The following SDK1 variants were observed in gnomAD, a reference collection of about 807,000 sequenced individuals.
SDK1 encodes the protein sidekick cell adhesion molecule 1.
In SDK1, 157 loss-of-function variants were observed where a neutral mutation model predicts 245.5. That is an observed-to-expected ratio of 0.64 (90% CI 0.56 to 0.73). SDK1 has a LOEUF of 0.73. Ranked by LOEUF, SDK1 falls within the 30% of genes least tolerant of loss-of-function variation. The probability of loss-of-function intolerance (pLI) is 0.00; values close to 1 mark genes in which losing one functional copy is unlikely to be tolerated. For missense variants in SDK1, 3,583 were observed against 3,002.3 expected (o/e 1.19, Z -4.52); for synonymous variants, 1,647 against 1,278.5 (o/e 1.29, Z -6.15).
intron 4 of SDK1, among the ~76,000 whole-genome samples, chr7:3,672,132 A>T (rs949706592): frequency 6.6e-6 from 1 of 152,002 alleles, no homozygotes; most frequent in Non-Finnish European, 1.5e-5. Flanking sequence ...GTGGCGGGTC[A>T]TGGTGTGGTG....
chr7:3,583,255 T>TA (rs1780571314), intron 1 of SDK1, among the ~76,000 whole-genome samples: 1 of 152,226 alleles, frequency 6.6e-6, no homozygotes, highest in African/African-American at 2.4e-5. Context: ...TGCTCTAAAA[T>TA]AACATTCTCC....
At chr7:4,023,853 C>T (rs1778693116) in intron 17 of SDK1, among the ~76,000 whole-genome samples, 2 of 152,314 alleles carry the variant, frequency 1.3e-5, no homozygotes, top group South Asian at 4.1e-4. Context: ...TCAGGTGAAC[C>T]TGAGTGTGGA....
intron 1 of SDK1, among the ~76,000 whole-genome samples, chr7:3,376,723 A>T (rs1781365121): frequency 6.6e-6 from 1 of 152,174 alleles, no homozygotes; most frequent in South Asian, 2.1e-4. Context: ...ATACCAAATG[A>T]GTGCACATTG....
chr7:3,433,096 G>A (rs757584771), intron 1 of SDK1, among the ~76,000 whole-genome samples: 1 of 152,318 alleles, frequency 6.6e-6, no homozygotes. Context: ...TATCCCCAGA[G>A]ATTCCAGTCA....
chr7:4,255,345 G>A (rs1004628106), intron 44 of SDK1, among the ~76,000 whole-genome samples: 12 of 152,174 alleles, frequency 7.9e-5, no homozygotes, highest in African/African-American at 1.9e-4. Flanking sequence ...TCCACTCTGC[G>A]CAGGACCTCT....
At chr7:3,909,613 G>A (rs1562529335) in intron 5 of SDK1, among the ~76,000 whole-genome samples, 2 of 152,038 alleles carry the variant, frequency 1.3e-5, no homozygotes, top group South Asian at 2.1e-4. Flanking sequence ...CTCATCACAT[G>A]TGTGTCCGTG....
chr7:3,859,762 C>G (rs1025777765), intron 5 of SDK1, among the ~76,000 whole-genome samples: 3 of 152,208 alleles, frequency 2.0e-5, no homozygotes, highest in African/African-American at 7.2e-5. Flanking sequence ...ACACTGCCCA[C>G]CACACCTGTG....
intron 22 of SDK1, among the ~76,000 whole-genome samples, chr7:4,109,460 G>C (rs900189159): frequency 6.6e-6 from 1 of 152,108 alleles, no homozygotes; most frequent in African/African-American, 2.4e-5. Context: ...TTCCTATCCT[G>C]TCATTTAAGC....
In SDK1 at chr7:3,525,085, A is replaced by G. The variant is rs1033244839; in HGVS notation, c.299-93995A>G. 5.3e-5 allele frequency among the ~76,000 whole-genome samples: 8 copies of G among 152,320 alleles called. No homozygotes were observed. The East Asian group carries it at 7.7e-4, about 15-fold the overall frequency. ...TAGCATTTACACTGTATTAGGTACTATAAGTAACCCAGTGATGATTGGAAG... is the reference window on the plus strand; with the variant it reads ...TAGCATTTACACTGTATTAGGTACTGTAAGTAACCCAGTGATGATTGGAAG... On this transcript the variant is annotated intron_variant, in intron 1 of 44. Transcript: ENST00000404826.
At chr7:4,019,404 C>T (rs753781578) in intron 17 of SDK1, among the ~76,000 whole-genome samples, 11 of 152,100 alleles carry the variant, frequency 7.2e-5, no homozygotes, top group Admixed American at 5.2e-4. Flanking sequence ...GGAGATTTGG[C>T]GAGGGACTGT....
rs546700183 is a variant in SDK1 at position 3,386,586 on chromosome 7, G to A, written c.298+84702G>A. ...ATTCTTGTGGAAGTAGACTTTCTGAGCTTCTATAAACATTTTCCTTCTGGA... is the reference window on the plus strand; with the variant it reads ...ATTCTTGTGGAAGTAGACTTTCTGAACTTCTATAAACATTTTCCTTCTGGA... On this transcript the variant is annotated intron_variant, in intron 1 of 44. Coordinates refer to ENST00000404826, the MANE Select transcript of SDK1 (RefSeq NM_152744.4). Among the ~76,000 whole-genome samples the A allele has an allele frequency of 3.9e-5, 6 of 152,258 alleles. No homozygotes were observed. In the South Asian group the frequency reaches 1.2e-3, roughly 32 times the overall value.
intron 4 of SDK1, among the ~76,000 whole-genome samples, chr7:3,657,047 T>G (rs1783208669): frequency 6.6e-6 from 1 of 152,096 alleles, no homozygotes; most frequent in South Asian, 2.1e-4. Flanking sequence ...GCGCCCGGCC[T>G]TGGTGGAAAT....
chr7:3,644,484 G>A (rs948830082), intron 4 of SDK1, among the ~76,000 whole-genome samples: 18 of 151,610 alleles, frequency 1.2e-4, no homozygotes, highest in Non-Finnish European at 2.4e-4. Flanking sequence ...GCAGGTAAGG[G>A]CCATTTGCGG....
chr7:4,086,508 C>A (rs1166229149), intron 22 of SDK1, among the ~76,000 whole-genome samples: 1 of 152,120 alleles, frequency 6.6e-6, no homozygotes, highest in Non-Finnish European at 1.5e-5. Context: ...TGCTGTCAGC[C>A]ATGGTCATTC....
At chr7:3,485,965 C>G (rs1165517075) in intron 1 of SDK1, among the ~76,000 whole-genome samples, 1 of 151,180 alleles carries the variant, frequency 6.6e-6, no homozygotes, top group Non-Finnish European at 1.5e-5. Context: ...ATGCCTAGTG[C>G]TTTTAGGACA....
intron 1 of SDK1, among the ~76,000 whole-genome samples, chr7:3,430,264 T>C (rs544029144): frequency 2.4e-4 from 36 of 152,280 alleles, no homozygotes; most frequent in South Asian, 2.1e-3. Flanking sequence ...GCAGTTTCTC[T>C]GACCATATCA....
At chr7:3,822,635 G>T (rs756596481) in intron 5 of SDK1, among the ~76,000 whole-genome samples, 1 of 152,046 alleles carries the variant, frequency 6.6e-6, no homozygotes, top group African/African-American at 2.4e-5. Flanking sequence ...AGGCATGGTG[G>T]TATGCACCTG....
intron 27 of SDK1, among the ~76,000 whole-genome samples, chr7:4,131,335 C>A (rs1784802749): frequency 6.6e-6 from 1 of 152,192 alleles, no homozygotes; most frequent in African/African-American, 2.4e-5. Context: ...TGGGAGAGGG[C>A]TCAGGGGAGC....
chr7:3,448,651 C>G (rs1780417486), intron 1 of SDK1, among the ~76,000 whole-genome samples: 1 of 152,060 alleles, frequency 6.6e-6, no homozygotes, highest in African/African-American at 2.4e-5. Flanking sequence ...ATATGTGAGT[C>G]AAGCTTTGCA....
Sources: gnomAD v4.1 joint callset for allele counts (sites outside exome capture counted in the v4.1 genomes callset) on GRCh38, gnomAD v4.1.1 for gene constraint, MANE v1.5 for transcripts, NCBI Gene and HGNC (gene_info 2026-07-23, HGNC 2026-07-21) for gene names.